The following IQCH variants were observed in gnomAD, a reference collection of about 807,000 sequenced individuals.
IQCH encodes the protein IQ motif containing H.
In IQCH, 98 loss-of-function variants were observed where a neutral mutation model predicts 117.0. That is an observed-to-expected ratio of 0.84 (90% CI 0.71 to 0.99). The LOEUF (loss-of-function observed/expected upper bound fraction) is 0.99, where lower values mean the gene tolerates loss of function less well. Ranked by LOEUF, IQCH falls within the 50% of genes least tolerant of loss-of-function variation. IQCH has a pLI of 0.00. For synonymous variants in IQCH, 412 were observed against 448.2 expected, an observed-to-expected ratio of 0.92 and a Z score of 1.02; for missense variants, 1,102 against 1,243.8, an observed-to-expected ratio of 0.89 and a Z score of 1.72.
rs1414317609 is a variant in IQCH, at chr15:67,433,933, G to A, written c.2505+12356G>A. On this transcript the variant is annotated intron_variant, in intron 16 of 20. Coordinates refer to ENST00000335894, the MANE Select transcript of IQCH (RefSeq NM_001031715.3). The surrounding 1 kb of genome is among the most constrained non-coding windows in gnomAD (Gnocchi z 5.4). ...TTCTCTTACAAAATTGTCCTTCTCC[G>A]ATCCCAGCTTTATTGAGGTATAACT... Among the ~76,000 whole-genome samples, 7 of 151,986 alleles carry A rather than the reference G, an allele frequency of 4.6e-5. No homozygotes were observed. The highest frequency in any genetic ancestry group is 7.4e-5 in the Non-Finnish European group (5 of 68,010).
chr15:67,258,991 A>G (rs1965347659), intron 1 of IQCH, among the ~76,000 whole-genome samples: 1 of 152,230 alleles, frequency 6.6e-6, no homozygotes, highest in Non-Finnish European at 1.5e-5. Flanking sequence ...AAGAAAAGGA[A>G]AAACTCTTGA....
chr15:67,438,347 G>A (rs571493085), intron 16 of IQCH, among the ~76,000 whole-genome samples: 2 of 152,288 alleles, frequency 1.3e-5, no homozygotes, highest in African/African-American at 2.4e-5. Flanking sequence ...ACAAACAAAT[G>A]CTGAGAGAAT....
chr15:67,441,591 C>G (rs752480156), intron 16 of IQCH, among the ~76,000 whole-genome samples: 4 of 152,180 alleles, frequency 2.6e-5, no homozygotes, highest in Non-Finnish European at 5.9e-5. Context: ...CAAATACTTA[C>G]AGCCAACTAA....
At chr15:67,360,556 T>C (rs147723077) in intron 8 of IQCH, among the ~76,000 whole-genome samples, 2 of 152,364 alleles carry the variant, frequency 1.3e-5, no homozygotes, top group African/African-American at 4.8e-5. Context: ...CAAATGAGGA[T>C]AAAGCTTCCT....
Position 67,496,475 on chromosome 15 carries a change from A to G in IQCH, c.2970+2109A>G, listed in dbSNP as rs1219741522. Among the ~76,000 whole-genome samples the G allele has an allele frequency of 2.6e-5, 4 of 152,210 alleles. No individual in the cohort carries two copies. Among genetic ancestry groups the G allele is most frequent in the Non-Finnish European group, 5.9e-5 (4 of 68,036 alleles). The stretch of plus-strand genomic sequence containing the variant: ...AGCCTTCTCGCCAAGATTAGGAACA[A>G]GACAAGGGTGTCTGCTCTTGCCACC... On this transcript the variant is annotated intron_variant, in intron 20 of 20. Coordinates refer to ENST00000335894, the MANE Select transcript of IQCH (RefSeq NM_001031715.3). The surrounding 1 kb of genome is among the most constrained non-coding windows in gnomAD (Gnocchi z 4.4).
rs1205217006 is a variant in IQCH at position 67,381,729 on chromosome 15, C to A, written c.1373-3207C>A. On this transcript the variant is annotated intron_variant, in intron 10 of 20. Transcript: ENST00000335894. This position sits in a 1 kb window ranked among gnomAD's most constrained non-coding sequence, Gnocchi z 5.1. ...GACATGGTGGCTCATGCCTATAATACCAGCACTTTGGGAGGCTGAGGTGGG... is the reference window on the plus strand; with the variant it reads ...GACATGGTGGCTCATGCCTATAATAACAGCACTTTGGGAGGCTGAGGTGGG... Among the ~76,000 whole-genome samples, 1 of 152,102 alleles carries A rather than the reference C, an allele frequency of 6.6e-6. No homozygotes were observed. The highest frequency in any genetic ancestry group is 1.5e-5 in the Non-Finnish European group (1 of 68,012).
At chr15:67,415,594 T>C (rs1042497489) in intron 14 of IQCH, among the ~76,000 whole-genome samples, 1 of 152,222 alleles carries the variant, frequency 6.6e-6, no homozygotes, top group South Asian at 2.1e-4. Flanking sequence ...ATCAACCAGC[T>C]GTTCCAAGGA....
rs1195422232 is a variant in IQCH at position 67,432,724 on chromosome 15, TAC to T, written c.2505+11149_2505+11150del. 4.6e-5 allele frequency among the ~76,000 whole-genome samples: 7 copies of T among 152,214 alleles called. No homozygotes were observed. The highest frequency in any genetic ancestry group is 1.7e-4 in the African/African-American group (7 of 41,452). On this transcript the variant is annotated intron_variant, in intron 16 of 20. Coordinates refer to ENST00000335894, the MANE Select transcript of IQCH (RefSeq NM_001031715.3). The surrounding 1 kb of genome is among the most constrained non-coding windows in gnomAD (Gnocchi z 5.0). ...GTGATATATAAGCATCAAAAATGAA[TAC>T]ATTTATTTCAGAGAATGGAAAAACC...
chr15:67,281,611 T>A (rs990651963), intron 4 of IQCH: 3 of 445,016 alleles, frequency 6.7e-6, no homozygotes, highest in African/African-American at 4.0e-5. Flanking sequence ...GGTATCAGAC[T>A]CAATCTCTCC....
At chr15:67,271,553 T>C (rs905313333) in intron 3 of IQCH, among the ~76,000 whole-genome samples, 5 of 152,340 alleles carry the variant, frequency 3.3e-5, no homozygotes, top group South Asian at 4.1e-4. Flanking sequence ...CATTGGTTTT[T>C]CTTAGATAGG....
In IQCH at chr15:67,370,885, G is replaced by A. The variant is rs578044775; in HGVS notation, c.754-1226G>A. Among the ~76,000 whole-genome samples, 2 of 150,904 alleles carry A rather than the reference G, an allele frequency of 1.3e-5. No individual in the cohort carries two copies. Among genetic ancestry groups the A allele is most frequent in the Non-Finnish European group, 3.0e-5 (2 of 67,640 alleles). ...AATTATTGTGCGGCCCAGGACCGGA[G>A]AAAAGAAAACGCGTGAATAATCTGA... On this transcript the variant is annotated intron_variant, in intron 8 of 20. Transcript: ENST00000335894. The surrounding 1 kb of genome is among the most constrained non-coding windows in gnomAD (Gnocchi z 5.6).
intron 13 of IQCH, among the ~76,000 whole-genome samples, chr15:67,396,764 A>G (rs559744059): frequency 1.3e-5 from 2 of 152,342 alleles, no homozygotes; most frequent in Admixed American, 6.5e-5. Context: ...TTGCCTGATC[A>G]TGATGCTCTG....
chr15:67,387,805 T>C lies in IQCH; in HGVS notation c.1457-1026T>C, dbSNP rs1246988908. ...ATGAAGAAATGAATGCTTAGAAAGG[T>C]TAAATAACTAGAATTTAATTCAGTC... On this transcript the variant is annotated intron_variant, in intron 11 of 20. Coordinates refer to ENST00000335894, the MANE Select transcript of IQCH (RefSeq NM_001031715.3). The surrounding 1 kb of genome is among the most constrained non-coding windows in gnomAD (Gnocchi z 4.8). Among the ~76,000 whole-genome samples the C allele has an allele frequency of 2.6e-5, 4 of 152,272 alleles. No homozygotes were observed. In the East Asian group the frequency reaches 7.7e-4, roughly 29 times the overall value.
Position 67,376,505 on chromosome 15 carries a change from A to T in IQCH, c.1372+3072A>T, listed in dbSNP as rs900113346. ...AGCCTTGTCCTCTTTTTCTCTTGCC[A>T]TAGGAAATTTGCTGTAGAATTAGCT... On this transcript the variant is annotated intron_variant, in intron 10 of 20. Transcript: ENST00000335894. This position sits in a 1 kb window ranked among gnomAD's most constrained non-coding sequence, Gnocchi z 5.0. 3.9e-5 allele frequency among the ~76,000 whole-genome samples: 6 copies of T among 152,212 alleles called. No individual in the cohort carries two copies. The highest frequency in any genetic ancestry group is 6.5e-5 in the Admixed American group (1 of 15,288).
intron 6 of IQCH, among the ~76,000 whole-genome samples, chr15:67,351,893 A>G (rs1216023180): frequency 6.6e-6 from 1 of 152,064 alleles, no homozygotes; most frequent in African/African-American, 2.4e-5. Context: ...AATAGTATAT[A>G]GCTGAATTTA....
chr15:67,360,054 AC>A (rs2140747592), intron 8 of IQCH, 169 bp downstream of exon 8: 3 of 582,324 alleles, frequency 5.2e-6, no homozygotes, highest in East Asian at 5.9e-5. Flanking sequence ...AAAAAAAAAA[AC>A]ATGGTTCATT....
intron 4 of IQCH, among the ~76,000 whole-genome samples, chr15:67,314,083 T>C (rs1387669658): frequency 6.6e-6 from 1 of 152,134 alleles, no homozygotes; most frequent in Non-Finnish European, 1.5e-5. Context: ...GGATTTCCTC[T>C]CAGTCGCTCT....
intron 4 of IQCH, chr15:67,304,396 G>C: frequency 6.5e-6 from 10 of 1,535,330 alleles, no homozygotes; most frequent in Non-Finnish European, 8.7e-6. Flanking sequence ...CCACCACAGA[G>C]CTGCTGTAAA....
In IQCH at chr15:67,358,207, C is replaced by CTTTTTTTT. The variant is rs71142373; in HGVS notation, c.714+794_714+801dup. Among the ~76,000 whole-genome samples the CTTTTTTTT allele has an allele frequency of 8.6e-4, 9 of 10,454 alleles. 1 individual carries two copies. Among genetic ancestry groups the CTTTTTTTT allele is most frequent in the Non-Finnish European group, 1.4e-3 (8 of 5,832 alleles). The allele number at this position is 10,454 out of a possible 152,430, so 6.9% of individuals were successfully genotyped here. A position where few individuals can be genotyped will look rare whatever the true frequency, so the allele number is the denominator to read the frequency against. On this transcript the variant is annotated intron_variant, in intron 7 of 20. Transcript: ENST00000335894. Reference sequence around the variant, plus strand: ...TAACCATCATGAGGCACTTTCTTTTCTTTTTTTTTTTTTTTGAGATGGAGT... The same window carrying CTTTTTTTT: ...TAACCATCATGAGGCACTTTCTTTTCTTTTTTTTTTTTTTTTTTTTTTTGAGATGGAGT...
Sources: gnomAD v4.1 joint callset for allele counts (sites outside exome capture counted in the v4.1 genomes callset) on GRCh38, gnomAD v4.1.1 for gene constraint, Gnocchi (gnomAD v3.1) non-coding constraint, MANE v1.5 for transcripts, NCBI Gene and HGNC (gene_info 2026-07-23, HGNC 2026-07-21) for gene names.